The following GULP1 variants were observed in gnomAD, a reference collection of about 807,000 sequenced individuals.
GULP1 encodes PTB domain-containing engulfment adapter protein 1.
Under a neutral mutation model 40.9 loss-of-function variants are expected in GULP1, and 19 were observed. The ratio of observed to expected loss-of-function variants is 0.46; its 90% CI spans 0.32 to 0.68. GULP1 has a LOEUF of 0.68. Among genes scored for constraint, GULP1 ranks in the 30% least tolerant of loss-of-function variants. The pLI, the probability that GULP1 is intolerant of heterozygous loss-of-function variation, is 0.03. For synonymous variants in GULP1, 119 were observed against 117.6 expected, an observed-to-expected ratio of 1.01 and a Z score of -0.08; for missense variants, 312 against 362.2, an observed-to-expected ratio of 0.86 and a Z score of 1.12.
At chr2:188,527,712 A>G (rs1239493875) in intron 5 of GULP1, among the ~76,000 whole-genome samples, 1 of 152,196 alleles carries the variant, frequency 6.6e-6, no homozygotes, top group Non-Finnish European at 1.5e-5. Flanking sequence ...GGAATAAAAC[A>G]AATGGTACCC....
chr2:188,441,092 T>C (rs922064746), intron 2 of GULP1, among the ~76,000 whole-genome samples: 3 of 152,154 alleles, frequency 2.0e-5, no homozygotes, highest in Admixed American at 6.5e-5. Flanking sequence ...ACTGTCCAAT[T>C]TGTGGTGGAT....
At chr2:188,375,006 A>G (rs2048116768) in intron 1 of GULP1, among the ~76,000 whole-genome samples, 2 of 152,314 alleles carry the variant, frequency 1.3e-5, no homozygotes, top group South Asian at 4.1e-4. Flanking sequence ...GATATTGAAA[A>G]TGTTCGATTG....
intron 4 of GULP1, among the ~76,000 whole-genome samples, chr2:188,501,521 G>A (rs950104205): frequency 2.5e-4 from 38 of 151,826 alleles, no homozygotes; most frequent in African/African-American, 7.2e-4. Context: ...TGTTATTAGC[G>A]TAGTGTTCAA....
chr2:188,520,264 G>A (rs765885608), intron 4 of GULP1, among the ~76,000 whole-genome samples: 14 of 152,200 alleles, frequency 9.2e-5, no homozygotes, highest in Admixed American at 7.9e-4. Flanking sequence ...TTGGCCGGGC[G>A]TGGTGGCCCA....
intron 2 of GULP1, among the ~76,000 whole-genome samples, chr2:188,470,833 G>A (rs950297699): frequency 3.3e-5 from 5 of 152,124 alleles, no homozygotes; most frequent in Admixed American, 1.3e-4. Flanking sequence ...TCTAACATAT[G>A]ATCTATCCTT....
At chr2:188,553,681 G>A (rs949018756) in intron 7 of GULP1, among the ~76,000 whole-genome samples, 10 of 151,984 alleles carry the variant, frequency 6.6e-5, no homozygotes, top group African/African-American at 2.2e-4. Context: ...TATAGAATGA[G>A]TTAAGAAGAA....
At chr2:188,417,574 T>C (rs1298456907) in intron 2 of GULP1, among the ~76,000 whole-genome samples, 1 of 152,212 alleles carries the variant, frequency 6.6e-6, no homozygotes, top group Non-Finnish European at 1.5e-5. Context: ...TTTAAAAATA[T>C]TTCACTTAAT....
intron 4 of GULP1, among the ~76,000 whole-genome samples, chr2:188,495,179 G>T (rs956692403): frequency 6.6e-6 from 1 of 152,064 alleles, no homozygotes; most frequent in African/African-American, 2.4e-5. Context: ...ACCAGTTACT[G>T]TGGAGATTTG....
chr2:188,321,385 A>C lies in GULP1; in HGVS notation c.-172+29219A>C, dbSNP rs1356596266. Among the ~76,000 whole-genome samples, 4 of 152,116 alleles carry C rather than the reference A, an allele frequency of 2.6e-5. No individual in the cohort carries two copies. In the East Asian group the frequency reaches 7.7e-4, roughly 29 times the overall value. Reference sequence around the variant, plus strand: ...TTCTTTGTAAATTAATATAAACCAAATTCTAGATATTGTTGTTATATTTGA... The same window carrying C: ...TTCTTTGTAAATTAATATAAACCAACTTCTAGATATTGTTGTTATATTTGA... On this transcript the variant is annotated intron_variant, in intron 1 of 11. Coordinates refer to ENST00000409830, the MANE Select transcript of GULP1 (RefSeq NM_016315.4).
intron 2 of GULP1, among the ~76,000 whole-genome samples, chr2:188,409,218 A>G (rs2053548577): frequency 6.6e-6 from 1 of 152,138 alleles, no homozygotes; most frequent in Admixed American, 6.6e-5. Flanking sequence ...AGCAAAATGA[A>G]TCAACAAGCC....
chr2:188,590,869 A>T (rs888202535), intron 11 of GULP1: 1 of 152,180 alleles, frequency 6.6e-6, no homozygotes, highest in Non-Finnish European at 1.5e-5. Flanking sequence ...ACTCTGGGAG[A>T]AGATCAATGT....
chr2:188,305,605 G>A (rs961345287), intron 1 of GULP1, among the ~76,000 whole-genome samples: 23 of 152,120 alleles, frequency 1.5e-4, no homozygotes, highest in Non-Finnish European at 7.3e-5. Context: ...ATTATAACAA[G>A]GACTATGAAA....
intron 4 of GULP1, among the ~76,000 whole-genome samples, chr2:188,500,546 A>G (rs1466260240): frequency 6.6e-6 from 1 of 151,926 alleles, no homozygotes; most frequent in Admixed American, 6.6e-5. Flanking sequence ...TACTGGTGAC[A>G]CCTAGATAAA....
chr2:188,492,442 T>A (rs2062484528), intron 4 of GULP1, among the ~76,000 whole-genome samples: 1 of 151,998 alleles, frequency 6.6e-6, no homozygotes, highest in Non-Finnish European at 1.5e-5. Flanking sequence ...AATACTGATT[T>A]AAAAAAATAG....
At chr2:188,425,623 A>G (rs1418089774) in intron 2 of GULP1, among the ~76,000 whole-genome samples, 2 of 152,102 alleles carry the variant, frequency 1.3e-5, no homozygotes, top group African/African-American at 4.8e-5. Context: ...TTTCACGTAT[A>G]TTTTCCAGTT....
chr2:188,473,497 C>A lies in GULP1; in HGVS notation c.-44-4162C>A, dbSNP rs143945324. ...CTGAGCTGAAACCACAAGACACAGT[C>A]CTTCTCAATCTTTCATCCCCTTTCC... On this transcript the variant is annotated intron_variant, in intron 2 of 11. Transcript: ENST00000409830. Among the ~76,000 whole-genome samples, 376 of 152,054 alleles carry A rather than the reference C, an allele frequency of 2.5e-3. 3 individuals carry two copies. Among genetic ancestry groups the A allele is most frequent in the African/African-American group, 8.6e-3 (357 of 41,468 alleles).
chr2:188,424,725 CTTTA>C (rs2055927129), intron 2 of GULP1, among the ~76,000 whole-genome samples: 2 of 151,772 alleles, frequency 1.3e-5, no homozygotes, highest in African/African-American at 4.8e-5. Flanking sequence ...TTTTATATGT[CTTTA>C]TTTTAGTCTC....
intron 1 of GULP1, among the ~76,000 whole-genome samples, chr2:188,345,930 A>C (rs2043589087): frequency 6.6e-6 from 1 of 152,206 alleles, no homozygotes; most frequent in South Asian, 2.1e-4. Context: ...TGTTATGGGA[A>C]GAGGACTATA....
At chr2:188,556,324 C>G (rs1039675700) in intron 7 of GULP1, among the ~76,000 whole-genome samples, 1 of 152,052 alleles carries the variant, frequency 6.6e-6, no homozygotes, top group African/African-American at 2.4e-5. Context: ...TTGATCTAGT[C>G]TATTATCGAA....
Sources: allele counts gnomAD v4.1 joint callset (sites outside exome capture counted in the v4.1 genomes callset), GRCh38; gene constraint gnomAD v4.1.1; transcripts MANE v1.5; gene names NCBI Gene and HGNC (gene_info 2026-07-23, HGNC 2026-07-21).